The following LRRK1 variants were observed in gnomAD, a reference collection of about 807,000 sequenced individuals.
The protein encoded by LRRK1 is leucine-rich repeat serine/threonine-protein kinase 1.
A neutral mutation model predicts 209.1 loss-of-function variants in LRRK1; 113 were observed. That is an observed-to-expected ratio of 0.54 (90% CI 0.46 to 0.63). LRRK1 has a LOEUF of 0.63. Ranked by LOEUF, LRRK1 falls within the 30% of genes least tolerant of loss-of-function variation. The pLI is 0.00. For missense variants in LRRK1, 2,284 were observed against 2,632.2 expected (o/e 0.87, Z 2.89); for synonymous variants, 1,144 against 1,099.7 (o/e 1.04, Z -0.80).
At chr15:100,960,893 G>T (rs953582952) in intron 2 of LRRK1, among the ~76,000 whole-genome samples, 1 of 152,096 alleles carries the variant, frequency 6.6e-6, no homozygotes, top group Non-Finnish European at 1.5e-5. Flanking sequence ...TTTCCTCTCC[G>T]TTTTTTCCAT....
In LRRK1 at chr15:101,052,969, G is replaced by A. The variant is rs772735483; in HGVS notation, c.3737G>A (p.Ser1246Asn). The A allele has an allele frequency of 1.9e-6, 3 of 1,612,256 alleles. No individual in the cohort carries two copies. The highest frequency in any genetic ancestry group is 2.5e-6 in the Non-Finnish European group (3 of 1,178,870). Reference sequence around the variant, plus strand: ...CTGGAGCACAGCGAGGACGAGGGCAGCGTCCTGGGCCAGGGCGGCAGTGGC... The same window carrying A: ...CTGGAGCACAGCGAGGACGAGGGCAACGTCCTGGGCCAGGGCGGCAGTGGC... The part of the protein sequence containing the change: ...SKLEHSEDEG[S>N]VLGQGGSGTV... Residue 1246 changes from serine to asparagine, a missense_variant, in exon 25 of 34, where the codon AGC becomes AAC. Physicochemically the swap from Ser to Asn is conservative, Grantham distance 46 (BLOSUM62 1). Around this residue, in one of 6 missense-constraint regions of LRRK1, gnomAD observed 780 missense variants for 985.2 expected, o/e 0.79. Coordinates refer to ENST00000388948, the MANE Select transcript of LRRK1 (RefSeq NM_024652.6).
rs188555728 is a variant in LRRK1 at position 101,005,631 on chromosome 15, T to C, written c.763-3206T>C. ...ATTTTTGCTCAAGGGAATCAAGGCC[T>C]GGGCTTAGAAAGTACAAGAGGAGAC... On this transcript the variant is annotated intron_variant, in intron 6 of 33. Coordinates refer to ENST00000388948, the MANE Select transcript of LRRK1 (RefSeq NM_024652.6). 1.9e-4 allele frequency among the ~76,000 whole-genome samples: 29 copies of C among 152,294 alleles called. No individual in the cohort carries two copies. The East Asian group carries it at 5.6e-3, about 29-fold the overall frequency.
At chr15:100,972,363 A>AGTGTGT (rs139709615) in intron 2 of LRRK1, among the ~76,000 whole-genome samples, 107 of 98,484 alleles carry the variant, frequency 1.1e-3, no homozygotes, top group African/African-American at 4.7e-3. Flanking sequence ...AGAGAGAGAG[A>AGTGTGT]GTGTGTGTGT....
chr15:100,977,177 C>A (rs1355102090), intron 3 of LRRK1, among the ~76,000 whole-genome samples: 2 of 92,156 alleles, frequency 2.2e-5, no homozygotes, highest in Non-Finnish European at 4.2e-5. Flanking sequence ...GAAACACAAA[C>A]TGGCACAGAG....
intron 10 of LRRK1, among the ~76,000 whole-genome samples, chr15:101,012,899 C>CG (rs1567232124): frequency 2.0e-5 from 3 of 149,946 alleles, no homozygotes; most frequent in Non-Finnish European, 4.5e-5. Context: ...CGGGGTGCCC[C>CG]CGGGGGGGGG....
chr15:101,026,166 C>T (rs1384905012), intron 17 of LRRK1, 29 bp downstream of exon 17: 1 of 1,606,564 alleles, frequency 6.2e-7, no homozygotes, highest in African/African-American at 1.3e-5. Flanking sequence ...GCAGCTCCTG[C>T]CTTCTTGTGG....
intron 23 of LRRK1, among the ~76,000 whole-genome samples, chr15:101,050,434 T>C (rs1421443292): frequency 1.3e-5 from 2 of 152,074 alleles, no homozygotes; most frequent in African/African-American, 4.8e-5. Context: ...TGGGGTTTAA[T>C]GGGGCAAGCA....
chr15:101,023,577 G>A (rs1196092729), intron 15 of LRRK1, among the ~76,000 whole-genome samples: 2 of 152,094 alleles, frequency 1.3e-5, no homozygotes, highest in Non-Finnish European at 2.9e-5. Context: ...GTGATTCCTC[G>A]GGATCCAAGG....
chr15:101,008,784 G>A, intron 6 of LRRK1, 53 bp from the exon 7 acceptor site: 2 of 1,369,714 alleles, frequency 1.5e-6, no homozygotes, highest in South Asian at 2.3e-5. Context: ...CCAAGCCCAT[G>A]TGGGCCCTGA....
chr15:100,942,754 A>G (rs1010303005), intron 2 of LRRK1, among the ~76,000 whole-genome samples: 1 of 152,154 alleles, frequency 6.6e-6, no homozygotes, highest in Non-Finnish European at 1.5e-5. Context: ...TACAGTGTGA[A>G]GTTCGACAAT....
intron 6 of LRRK1, among the ~76,000 whole-genome samples, chr15:100,994,771 T>C (rs369139006): frequency 3.7e-4 from 56 of 151,934 alleles, no homozygotes; most frequent in African/African-American, 1.3e-3. Flanking sequence ...TACCTTGGAG[T>C]GGGTGTGCCT....
intron 1 of LRRK1, chr15:100,920,400 T>C (rs899862183): frequency 1.1e-4 from 16 of 152,210 alleles, no homozygotes; most frequent in Non-Finnish European, 1.5e-4. Context: ...AATGTTAACA[T>C]TAAACGCCTT....
chr15:101,050,007 T>C (rs1312163202), intron 23 of LRRK1, among the ~76,000 whole-genome samples: 1 of 151,834 alleles, frequency 6.6e-6, no homozygotes, highest in Non-Finnish European at 1.5e-5. Context: ...CCACTGGGAA[T>C]GTGCAGGGAA....
intron 2 of LRRK1, among the ~76,000 whole-genome samples, chr15:100,936,523 G>A (rs188552079): frequency 6.6e-6 from 1 of 152,366 alleles, no homozygotes; most frequent in East Asian, 1.9e-4. Flanking sequence ...CATGGCATGT[G>A]GCCCCCAGCC....
chr15:101,050,232 C>T (rs900766733), intron 23 of LRRK1, among the ~76,000 whole-genome samples: 13 of 152,352 alleles, frequency 8.5e-5, no homozygotes, highest in Admixed American at 1.3e-4. Context: ...TTGCTCTCCT[C>T]CCCTGCCACC....
intron 31 of LRRK1, chr15:101,064,926 C>T (rs1227355206): frequency 4.7e-6 from 1 of 212,498 alleles, no homozygotes. Context: ...GCCATGCCCC[C>T]ACTGCTGTCA....
intron 6 of LRRK1, among the ~76,000 whole-genome samples, chr15:100,990,393 G>C (rs941921874): frequency 1.2e-4 from 18 of 151,548 alleles, no homozygotes; most frequent in Non-Finnish European, 2.2e-4. Context: ...GTTTGCTTAT[G>C]TAGAGCACAG....
At chr15:101,017,582 G>A (rs2033600505) in intron 12 of LRRK1, among the ~76,000 whole-genome samples, 1 of 152,104 alleles carries the variant, frequency 6.6e-6, no homozygotes, top group Non-Finnish European at 1.5e-5. Context: ...ATTCTCATAG[G>A]AGCGCGAACC....
intron 2 of LRRK1, among the ~76,000 whole-genome samples, chr15:100,971,862 C>A (rs2030906693): frequency 6.6e-6 from 1 of 152,166 alleles, no homozygotes; most frequent in African/African-American, 2.4e-5. Flanking sequence ...TTTTTAGCTC[C>A]CACAAATAAG....
Sources: allele counts gnomAD v4.1 joint callset (sites outside exome capture counted in the v4.1 genomes callset), GRCh38; gene constraint gnomAD v4.1.1; regional missense constraint gnomAD v4.1.1; transcripts MANE v1.5; gene names NCBI Gene and HGNC (gene_info 2026-07-23, HGNC 2026-07-21).